Variants in CPNE4 observed in about 807,000 individuals in gnomAD.
CPNE4 encodes copine-4.
In CPNE4, 25 loss-of-function variants were observed where a neutral mutation model predicts 67.9. The ratio of observed to expected loss-of-function variants is 0.37; its 90% confidence interval spans 0.27 to 0.51. CPNE4 has a LOEUF of 0.51. CPNE4 is among the 20% of genes least tolerant of loss of function. The pLI, the probability that CPNE4 is intolerant of heterozygous loss-of-function variation, is 0.93. For synonymous variants in CPNE4, 242 were observed against 244.9 expected (o/e 0.99, Z 0.11); for missense variants, 464 against 690.8 (o/e 0.67, Z 3.68).
At chr3:131,809,864 T>A (rs2084456814) in intron 2 of CPNE4, among the ~76,000 whole-genome samples, 1 of 152,046 alleles carries the variant, frequency 6.6e-6, no homozygotes, top group Non-Finnish European at 1.5e-5. Flanking sequence ...GTTTAAGTAA[T>A]CAGGATATTA....
intron 1 of CPNE4, among the ~76,000 whole-genome samples, chr3:131,981,847 C>T (rs1269207180): frequency 6.6e-6 from 1 of 152,196 alleles, no homozygotes; most frequent in Non-Finnish European, 1.5e-5. Flanking sequence ...CACAAACAGA[C>T]CTTCAGCTTC....
chr3:131,746,648 A>T (rs950487443), intron 2 of CPNE4, among the ~76,000 whole-genome samples: 1 of 152,122 alleles, frequency 6.6e-6, no homozygotes, highest in African/African-American at 2.4e-5. Context: ...TATATATAGC[A>T]TATTTTCTTT....
chr3:131,571,852 A>C (rs1937353674), intron 10 of CPNE4, among the ~76,000 whole-genome samples: 2 of 151,720 alleles, frequency 1.3e-5, no homozygotes, highest in Non-Finnish European at 2.9e-5. Context: ...CTGACCCCAA[A>C]CTGCTTCCCC....
chr3:131,595,838 CA>C (rs1488059416), intron 7 of CPNE4, among the ~76,000 whole-genome samples: 2 of 152,106 alleles, frequency 1.3e-5, no homozygotes, highest in African/African-American at 2.4e-5. Flanking sequence ...CAAACCATAT[CA>C]GGGGTGAGCG....
intron 7 of CPNE4, among the ~76,000 whole-genome samples, chr3:131,632,567 C>G (rs1012677694): frequency 6.6e-6 from 1 of 152,150 alleles, no homozygotes; most frequent in Non-Finnish European, 1.5e-5. Flanking sequence ...ACAGCATTGA[C>G]AAGGCTGATG....
At chr3:131,642,467 G>C (rs1017568433) in intron 7 of CPNE4, among the ~76,000 whole-genome samples, 2 of 152,024 alleles carry the variant, frequency 1.3e-5, no homozygotes, top group Non-Finnish European at 2.9e-5. Context: ...TTGTCTTCCA[G>C]GTAAAATAAT....
At chr3:131,651,274 T>C (rs533932040) in intron 7 of CPNE4, among the ~76,000 whole-genome samples, 1 of 152,328 alleles carries the variant, frequency 6.6e-6, no homozygotes, top group East Asian at 1.9e-4. Flanking sequence ...TCTGAGCTTT[T>C]ATTAAAAGCT....
chr3:131,716,662 A>G (rs887360616), intron 3 of CPNE4, among the ~76,000 whole-genome samples: 1 of 152,206 alleles, frequency 6.6e-6, no homozygotes, highest in Non-Finnish European at 1.5e-5. Context: ...CACAGTAATA[A>G]CAGCTTCCCC....
intron 1 of CPNE4, among the ~76,000 whole-genome samples, chr3:131,968,388 C>T (rs1202436463): frequency 1.3e-5 from 2 of 152,152 alleles, no homozygotes; most frequent in African/African-American, 4.8e-5. Context: ...AGCTTCTGCA[C>T]AGCAAAAGAA....
At chr3:131,912,491 A>C (rs1361602888) in intron 1 of CPNE4, among the ~76,000 whole-genome samples, 1 of 152,130 alleles carries the variant, frequency 6.6e-6, no homozygotes, top group African/African-American at 2.4e-5. Flanking sequence ...TCTCTATCTC[A>C]CAACATTTCC....
intron 1 of CPNE4, among the ~76,000 whole-genome samples, chr3:131,970,503 T>G (rs1412842268): frequency 6.6e-6 from 1 of 152,238 alleles, no homozygotes; most frequent in Non-Finnish European, 1.5e-5. Flanking sequence ...CTGACATGAA[T>G]GAGTTTGTTT....
chr3:131,651,846 G>A (rs148739001), intron 7 of CPNE4, among the ~76,000 whole-genome samples: 1,771 of 152,140 alleles, frequency 0.012, 45 homozygotes, highest in African/African-American at 0.04. Flanking sequence ...GTGTGGTCCC[G>A]GGGAAGTAAT....
At chr3:131,778,977 C>G (rs556400872) in intron 2 of CPNE4, among the ~76,000 whole-genome samples, 1 of 152,188 alleles carries the variant, frequency 6.6e-6, no homozygotes, top group Admixed American at 6.5e-5. Flanking sequence ...TAATAAACAA[C>G]TTCAACAAAG....
At chr3:131,691,774 TA>T (rs1560123625) in intron 5 of CPNE4, among the ~76,000 whole-genome samples, 1 of 152,174 alleles carries the variant, frequency 6.6e-6, no homozygotes, top group African/African-American at 2.4e-5. Context: ...AGGCATTTTG[TA>T]AAAAACTGTA....
In CPNE4 at chr3:131,817,707, T is replaced by C. The variant is rs188594431; in HGVS notation, c.180+87557A>G. Reference sequence around the variant, plus strand: ...CAGGCCAGAACAACACAGAAATTCCTGGAAAGAAGCCAGGGGGCCCACGAA... The same window carrying C: ...CAGGCCAGAACAACACAGAAATTCCCGGAAAGAAGCCAGGGGGCCCACGAA... On this transcript the variant is annotated intron_variant, in intron 2 of 15. Transcript: ENST00000429747. Among the ~76,000 whole-genome samples the C allele has an allele frequency of 1.3e-3, 203 of 152,276 alleles. 1 individual carries two copies. The highest frequency in any genetic ancestry group is 4.8e-3 in the African/African-American group (199 of 41,552).
rs762742862 is a variant in CPNE4, at chr3:131,626,922, C to T, written c.682-39340G>A. On this transcript the variant is annotated intron_variant, in intron 7 of 15. Transcript: ENST00000429747. The stretch of plus-strand genomic sequence containing the variant: ...AAAAGTTATGCTAAATTGCTGGGCA[C>T]GGTGGCTCACGCCTGTAATGCCAGC... Among the ~76,000 whole-genome samples, 22 of 152,188 alleles carry T rather than the reference C, an allele frequency of 1.4e-4. 1 individual carries two copies. The South Asian group carries it at 2.3e-3, about 16-fold the overall frequency.
chr3:131,866,798 T>C (rs904360321), intron 2 of CPNE4, among the ~76,000 whole-genome samples: 1 of 152,200 alleles, frequency 6.6e-6, no homozygotes, highest in African/African-American at 2.4e-5. Flanking sequence ...ATTGCTGTTG[T>C]GTAAAGTGAC....
chr3:131,644,985 C>T (rs2079628873), intron 7 of CPNE4, among the ~76,000 whole-genome samples: 1 of 152,162 alleles, frequency 6.6e-6, no homozygotes, highest in Admixed American at 6.5e-5. Flanking sequence ...CAAAAAGCTT[C>T]TGATGAACTG....
chr3:131,871,431 C>T (rs371988134), intron 2 of CPNE4, among the ~76,000 whole-genome samples: 1 of 152,120 alleles, frequency 6.6e-6, no homozygotes, highest in South Asian at 2.1e-4. Flanking sequence ...CGAGAATGCT[C>T]TTCAGAATGC....
Sources: gnomAD v4.1 joint callset for allele counts (sites outside exome capture counted in the v4.1 genomes callset) on GRCh38, gnomAD v4.1.1 for gene constraint, MANE v1.5 for transcripts, NCBI Gene and HGNC (gene_info 2026-07-23, HGNC 2026-07-21) for gene names.